The following CPEB3 variants were observed in gnomAD, a reference collection of about 807,000 sequenced individuals.
CPEB3 encodes the protein cytoplasmic polyadenylation element binding protein 3, also known as cytoplasmic polyadenylation element-binding protein 3.
CPEB3 carries 20 observed loss-of-function variants against 67.2 expected under a neutral mutation model. The ratio of observed to expected loss-of-function variants is 0.30; its 90% confidence interval spans 0.21 to 0.43. CPEB3 has a LOEUF of 0.43. Ranked by LOEUF, CPEB3 falls within the 20% of genes least tolerant of loss-of-function variation. CPEB3 has a pLI of 1.00. For synonymous variants in CPEB3, 376 were observed against 393.1 expected, an observed-to-expected ratio of 0.96 and a Z score of 0.51; for missense variants, 746 against 968.6, an observed-to-expected ratio of 0.77 and a Z score of 3.05.
At chr10:92,121,287 C>A (rs376074562) in intron 6 of CPEB3, among the ~76,000 whole-genome samples, 1 of 150,880 alleles carries the variant, frequency 6.6e-6, no homozygotes, top group South Asian at 2.1e-4. Flanking sequence ...GGATTACAGG[C>A]GTGAGCCACC....
intron 1 of CPEB3, among the ~76,000 whole-genome samples, chr10:92,246,842 T>G (rs1222546750): frequency 1.3e-5 from 2 of 152,164 alleles, no homozygotes; most frequent in Non-Finnish European, 2.9e-5. Flanking sequence ...ACATAGAAAT[T>G]TTTAAGTTAT....
chr10:92,255,201 C>T (rs7088903), intron 1 of CPEB3, among the ~76,000 whole-genome samples: 36,230 of 152,046 alleles, frequency 0.24, 4,972 homozygotes, highest in Middle Eastern at 0.34. Flanking sequence ...GGTCTAGAAC[C>T]CATTCCTTCT....
chr10:92,239,268 G>T lies in CPEB3; in HGVS notation c.1005+78C>A, dbSNP rs990429655. 2.7e-6 allele frequency: 4 copies of T among 1,470,922 alleles called. No individual in the cohort carries two copies. The highest frequency in any genetic ancestry group is 3.7e-6 in the Non-Finnish European group (4 of 1,078,878). The allele number at this position is 1,470,922 out of a possible 1,614,324, so 91.1% of individuals were successfully genotyped here. A position where few individuals can be genotyped will look rare whatever the true frequency, so the allele number is the denominator to read the frequency against. On this transcript the variant is annotated intron_variant, in intron 2 of 9. Coordinates refer to ENST00000265997, the MANE Select transcript of CPEB3 (RefSeq NM_014912.5). The surrounding 1 kb of genome is among the most constrained non-coding windows in gnomAD (Gnocchi z 6.0). Reference sequence around the variant, plus strand: ...TGCTGCCCTTTTTAAATATAAGCGGGTGGATGATTAAAAGTCAGAGAAGTG... The same window carrying T: ...TGCTGCCCTTTTTAAATATAAGCGGTTGGATGATTAAAAGTCAGAGAAGTG...
intron 7 of CPEB3, among the ~76,000 whole-genome samples, chr10:92,100,229 A>G (rs573254846): frequency 1.5e-5 from 2 of 135,612 alleles, no homozygotes; most frequent in East Asian, 4.1e-4. Context: ...GGGAGAAAAC[A>G]TATTTGTTTC....
Position 92,289,732 on chromosome 10 carries a change from A to AAAAATAT in CPEB3, c.-12+1193_-12+1194insATATTTT. Among the ~76,000 whole-genome samples the AAAAATAT allele has an allele frequency of 3.8e-4, 29 of 75,768 alleles. 1 individual carries two copies. The highest frequency in any genetic ancestry group is 4.6e-4 in the Non-Finnish European group (18 of 39,094). The allele number at this position is 75,768 out of a possible 152,430, so 49.7% of individuals were successfully genotyped here. On this transcript the variant is annotated intron_variant, in intron 1 of 9. Coordinates refer to ENST00000265997, the MANE Select transcript of CPEB3 (RefSeq NM_014912.5). The stretch of plus-strand genomic sequence containing the variant: ...CGCGTCTCTACCAAAAAAAAAAAAA[A>AAAAATAT]ATATATATATATATATATATATATA...
chr10:92,056,179 T>G (rs1842105392), intron 9 of CPEB3, among the ~76,000 whole-genome samples: 1 of 152,148 alleles, frequency 6.6e-6, no homozygotes, highest in Admixed American at 6.5e-5. Flanking sequence ...TCATGAGGTG[T>G]TGTCTGAAGA....
intron 9 of CPEB3, among the ~76,000 whole-genome samples, chr10:92,063,831 G>A (rs1485544951): frequency 6.6e-6 from 1 of 151,706 alleles, no homozygotes; most frequent in Admixed American, 6.6e-5. Context: ...TGAGTGACTA[G>A]AAGGCAAGTA....
chr10:92,219,869 A>G (rs1281195435), intron 2 of CPEB3, among the ~76,000 whole-genome samples: 1 of 152,214 alleles, frequency 6.6e-6, no homozygotes, highest in Non-Finnish European at 1.5e-5. Flanking sequence ...ATAAAAGTCA[A>G]TCTCCAGGCC....
intron 9 of CPEB3, among the ~76,000 whole-genome samples, chr10:92,068,468 C>A (rs1014636551): frequency 6.6e-6 from 1 of 152,146 alleles, no homozygotes; most frequent in Non-Finnish European, 1.5e-5. Flanking sequence ...GGGGTTTCAA[C>A]AAGTAGGAAT....
chr10:92,137,542 C>T, intron 6 of CPEB3: 1 of 787,250 alleles, frequency 1.3e-6, no homozygotes, highest in Admixed American at 1.8e-5. Flanking sequence ...CATAAGGGAC[C>T]CCATTTGGAT....
intron 7 of CPEB3, among the ~76,000 whole-genome samples, chr10:92,101,258 T>G (rs889840280): frequency 6.6e-6 from 1 of 152,140 alleles, no homozygotes; most frequent in African/African-American, 2.4e-5. Context: ...CTCAGCTACT[T>G]CCCCCATACT....
At chr10:92,226,472 T>C (rs1054570474) in intron 2 of CPEB3, among the ~76,000 whole-genome samples, 1 of 152,246 alleles carries the variant, frequency 6.6e-6, no homozygotes, top group African/African-American at 2.4e-5. Flanking sequence ...GGTAGCTACA[T>C]GTAAATGACC....
chr10:92,290,406 T>C (rs1458480304), intron 1 of CPEB3, among the ~76,000 whole-genome samples: 1 of 151,350 alleles, frequency 6.6e-6, no homozygotes, highest in Non-Finnish European at 1.5e-5. Context: ...CGGTTAACAG[T>C]GACCAGCAGC....
chr10:92,130,232 T>A (rs1845783140), intron 6 of CPEB3, among the ~76,000 whole-genome samples: 1 of 151,768 alleles, frequency 6.6e-6, no homozygotes, highest in African/African-American at 2.4e-5. Flanking sequence ...CTCTCCATAC[T>A]CCCAATCTAA....
At chr10:92,058,821 G>T (rs1319959697) in intron 9 of CPEB3, among the ~76,000 whole-genome samples, 1 of 151,884 alleles carries the variant, frequency 6.6e-6, no homozygotes, top group Non-Finnish European at 1.5e-5. Context: ...TGAACAAAGG[G>T]ATCTAACAGA....
At chr10:92,257,466 T>G (rs1055185870) in intron 1 of CPEB3, among the ~76,000 whole-genome samples, 1 of 152,024 alleles carries the variant, frequency 6.6e-6, no homozygotes, top group South Asian at 2.1e-4. Flanking sequence ...AGCTAATTTT[T>G]TGTATTTTTA....
chr10:92,068,592 T>G (rs1842641758), intron 9 of CPEB3, among the ~76,000 whole-genome samples: 1 of 152,154 alleles, frequency 6.6e-6, no homozygotes, highest in Admixed American at 6.6e-5. Flanking sequence ...TTTTTCCAAT[T>G]CTTTATCTCA....
intron 6 of CPEB3, among the ~76,000 whole-genome samples, chr10:92,121,010 CTTTT>C (rs147369266): frequency 1.3e-5 from 2 of 148,582 alleles, no homozygotes; most frequent in African/African-American, 2.5e-5. Flanking sequence ...CTACAACTTA[CTTTT>C]TTTTTTCTTT....
intron 2 of CPEB3, among the ~76,000 whole-genome samples, chr10:92,221,125 AG>A (rs1167820682): frequency 6.6e-6 from 1 of 152,250 alleles, no homozygotes; most frequent in Non-Finnish European, 1.5e-5. Context: ...TTGAACAAAC[AG>A]CAATACCTGT....
Sources: allele counts gnomAD v4.1 joint callset (sites outside exome capture counted in the v4.1 genomes callset), GRCh38; gene constraint gnomAD v4.1.1; non-coding constraint Gnocchi (gnomAD v3.1); transcripts MANE v1.5; gene names NCBI Gene and HGNC (gene_info 2026-07-23, HGNC 2026-07-21).